Variants in SPOPL observed in about 807,000 individuals in gnomAD.
SPOPL encodes speckle-type POZ protein-like.
A neutral mutation model predicts 53.8 loss-of-function variants in SPOPL; 23 were observed. The ratio of observed to expected loss-of-function variants is 0.43; its 90% CI spans 0.31 to 0.61. SPOPL has a LOEUF of 0.61. Among genes scored for constraint, SPOPL ranks in the 20% least tolerant of loss-of-function variants. The pLI, the probability that SPOPL is intolerant of heterozygous loss-of-function variation, is 0.12. For synonymous variants in SPOPL, 164 were observed against 149.7 expected, an observed-to-expected ratio of 1.10 and a Z score of -0.70; for missense variants, 442 against 466.9, an observed-to-expected ratio of 0.95 and a Z score of 0.49.
intron 1 of SPOPL, among the ~76,000 whole-genome samples, chr2:138,513,517 T>A (rs561334341): frequency 6.6e-6 from 1 of 151,932 alleles, no homozygotes; most frequent in Non-Finnish European, 1.5e-5. Flanking sequence ...ACCACTGCAC[T>A]CCAGTGTAGG....
Position 138,573,197 on chromosome 2 carries a change from T to A in SPOPL, c.*4117T>A, listed in dbSNP as rs1217407730. 2 of 152,122 alleles carry A rather than the reference T, an allele frequency of 1.3e-5. No homozygotes were observed. The highest frequency in any genetic ancestry group is 4.8e-5 in the African/African-American group (2 of 41,434). The allele number at this position is 152,122 out of a possible 1,614,324, so 9.4% of individuals were successfully genotyped here. Reference sequence around the variant, plus strand: ...AAATATTTTTTGCATTTCAACACATTGAGTTAAAATAAAGTTGTTACTACT... The same window carrying A: ...AAATATTTTTTGCATTTCAACACATAGAGTTAAAATAAAGTTGTTACTACT... On this transcript the variant is annotated 3_prime_UTR_variant, in exon 11 of 11. Transcript: ENST00000280098.
chr2:138,558,706 T>C (rs1468653220), intron 5 of SPOPL, among the ~76,000 whole-genome samples: 1 of 152,140 alleles, frequency 6.6e-6, no homozygotes, highest in Non-Finnish European at 1.5e-5. Context: ...GATGTACTTT[T>C]GTTTGAGTTT....
chr2:138,534,870 A>G (rs74700484), intron 1 of SPOPL, among the ~76,000 whole-genome samples: 2,686 of 152,312 alleles, frequency 0.018, 74 homozygotes, highest in African/African-American at 0.062. Context: ...TTTTGTGCCT[A>G]TCTTCTTTCA....
intron 5 of SPOPL, among the ~76,000 whole-genome samples, chr2:138,557,631 T>C (rs1448342503): frequency 1.3e-5 from 2 of 152,204 alleles, no homozygotes; most frequent in South Asian, 2.1e-4. Flanking sequence ...TAATGAAATA[T>C]TGTTAAATTA....
chr2:138,554,473 A>T, intron 5 of SPOPL: 12 of 1,283,366 alleles, frequency 9.4e-6, no homozygotes, highest in Non-Finnish European at 1.2e-5. Flanking sequence ...AGGAGGAAGC[A>T]TTGCACTACC....
At chr2:138,522,392 T>G (rs1416492755) in intron 1 of SPOPL, among the ~76,000 whole-genome samples, 1 of 152,152 alleles carries the variant, frequency 6.6e-6, no homozygotes, top group Non-Finnish European at 1.5e-5. Context: ...ATTTCACTTA[T>G]GCCTCAAGGA....
At chr2:138,535,733 T>G (rs1684917273) in intron 1 of SPOPL, among the ~76,000 whole-genome samples, 2 of 152,104 alleles carry the variant, frequency 1.3e-5, no homozygotes, top group Non-Finnish European at 2.9e-5. Flanking sequence ...TTCTGCTGCT[T>G]CTGTCTTTCT....
intron 1 of SPOPL, among the ~76,000 whole-genome samples, chr2:138,540,972 A>G (rs547135218): frequency 1.3e-5 from 2 of 152,138 alleles, no homozygotes; most frequent in African/African-American, 2.4e-5. Context: ...AATTTTGTCA[A>G]AGGCCTTTTC....
chr2:138,527,028 A>G (rs982730055), intron 1 of SPOPL, among the ~76,000 whole-genome samples: 1 of 152,164 alleles, frequency 6.6e-6, no homozygotes, highest in Non-Finnish European at 1.5e-5. Flanking sequence ...ACCCAACCTG[A>G]GTATGGAATT....
At position 138,541,199 on chromosome 2, in the gene SPOPL, A is replaced by G. The variant is rs181422945; in HGVS notation, c.-60-8958A>G. Among the ~76,000 whole-genome samples the G allele has an allele frequency of 1.5e-3, 232 of 152,228 alleles. 1 individual carries two copies. Among genetic ancestry groups the G allele is most frequent in the African/African-American group, 5.3e-3 (222 of 41,538 alleles). ...TGTTCATCAGGGATAGTGGTCTAAA[A>G]TTCTCTTTTTTTGTTGTGTCTCTGC... On this transcript the variant is annotated intron_variant, in intron 1 of 10. Transcript: ENST00000280098.
Position 138,566,981 on chromosome 2 carries a change from G to T in SPOPL, c.1035-1955G>T, listed in dbSNP as rs573920128. Among the ~76,000 whole-genome samples the T allele has an allele frequency of 4.6e-5, 7 of 152,284 alleles. No individual in the cohort carries two copies. In the East Asian group the frequency reaches 1.4e-3, roughly 29 times the overall value. On this transcript the variant is annotated intron_variant, in intron 10 of 10. Coordinates refer to ENST00000280098, the MANE Select transcript of SPOPL (RefSeq NM_001001664.3). ...GCATTGCAGACAGAAGGGACAGCAT[G>T]AACCAAAGTATAGAAGCGTAAAGTA...
At chr2:138,537,233 C>G (rs1383548997) in intron 1 of SPOPL, among the ~76,000 whole-genome samples, 1 of 152,144 alleles carries the variant, frequency 6.6e-6, no homozygotes, top group Non-Finnish European at 1.5e-5. Context: ...GGAGCATCGG[C>G]AGACTTACAT....
At chr2:138,527,141 A>G (rs554473602) in intron 1 of SPOPL, among the ~76,000 whole-genome samples, 23 of 152,080 alleles carry the variant, frequency 1.5e-4, no homozygotes, top group Non-Finnish European at 3.1e-4. Flanking sequence ...TAGAAGTTTT[A>G]GGATTTTCTT....
At chr2:138,532,015 G>C (rs925638112) in intron 1 of SPOPL, among the ~76,000 whole-genome samples, 2 of 152,116 alleles carry the variant, frequency 1.3e-5, no homozygotes, top group African/African-American at 4.8e-5. Context: ...TTGTACATTT[G>C]ATTTGTCTTC....
intron 10 of SPOPL, among the ~76,000 whole-genome samples, chr2:138,567,618 G>A (rs889349954): frequency 1.3e-5 from 2 of 152,132 alleles, no homozygotes; most frequent in African/African-American, 4.8e-5. Context: ...TGCATGCAGG[G>A]TGGAGAACGA....
intron 1 of SPOPL, among the ~76,000 whole-genome samples, chr2:138,509,396 ATAT>A (rs1407125502): frequency 6.6e-6 from 1 of 152,188 alleles, no homozygotes; most frequent in African/African-American, 2.4e-5. Context: ...TGCTTTTGAA[ATAT>A]TATTTTATAG....
intron 1 of SPOPL, among the ~76,000 whole-genome samples, chr2:138,526,727 AT>A (rs34816039): frequency 0.016 from 2,285 of 140,638 alleles, 44 homozygotes; most frequent in African/African-American, 0.046. Context: ...AGAGTATGGA[AT>A]TTTTTTTTTT....
In SPOPL at chr2:138,564,713, A is replaced by G. The variant is rs775531300; in HGVS notation, c.843A>G (p.Ala281=). 4.5e-5 allele frequency: 73 copies of G among 1,613,990 alleles called. No individual in the cohort carries two copies. The East Asian group carries it at 9.6e-4, about 21-fold the overall frequency. ...TATGTTTTCATTTTGGATAGTATGC[A>G]CTGGAACGGCTGAAGGTCATGTGCG... ...DNLLAAADKY[A]LERLKVMCEE... The change falls in exon 9 of 11, where the codon GCA becomes GCG. Residue 281 remains alanine, a synonymous_variant. Coordinates refer to ENST00000280098, the MANE Select transcript of SPOPL (RefSeq NM_001001664.3).
chr2:138,551,177 T>C (rs1685307006), intron 4 of SPOPL, 123 bp downstream of exon 4: 1 of 1,048,474 alleles, frequency 9.5e-7, no homozygotes, highest in Non-Finnish European at 1.4e-6. Flanking sequence ...CCTGAAACTT[T>C]TAATTTGACC....
Sources: gnomAD v4.1 joint callset for allele counts (sites outside exome capture counted in the v4.1 genomes callset) on GRCh38, gnomAD v4.1.1 for gene constraint, MANE v1.5 for transcripts, NCBI Gene and HGNC (gene_info 2026-07-23, HGNC 2026-07-21) for gene names.